Variants in QTMAN observed in about 807,000 individuals in gnomAD.
QTMAN encodes queuosine-tRNA mannosyltransferase.
chr2:144,213,799 G>A, the QTMAN span, among the ~76,000 whole-genome samples: 5 of 152,194 alleles, frequency 3.3e-5, no homozygotes, highest in South Asian at 1.0e-3. Flanking sequence ...AACACTAAAT[G>A]GTTTACTTTG....
the QTMAN span, among the ~76,000 whole-genome samples, chr2:144,000,362 A>C: frequency 4.6e-5 from 7 of 152,044 alleles, no homozygotes; most frequent in Admixed American, 2.0e-4. Context: ...AAATTCTTTA[A>C]AGACAAAAAC....
chr2:144,030,858 C>A, the QTMAN span, among the ~76,000 whole-genome samples: 17 of 152,068 alleles, frequency 1.1e-4, no homozygotes, highest in Non-Finnish European at 1.8e-4. Context: ...AGGCACAATG[C>A]TGTTAATAAT....
the QTMAN span, among the ~76,000 whole-genome samples, chr2:144,243,336 TA>T: frequency 2.0e-5 from 3 of 152,186 alleles, no homozygotes; most frequent in African/African-American, 4.8e-5. Flanking sequence ...GACAACTCCA[TA>T]ATGCCCATTT....
At chr2:144,025,151 T>C in the QTMAN span, among the ~76,000 whole-genome samples, 2 of 152,078 alleles carry the variant, frequency 1.3e-5, no homozygotes, top group African/African-American at 2.4e-5. Flanking sequence ...TGTAAAATAC[T>C]CTTACCCCAT....
chr2:144,214,415 T>C, the QTMAN span, among the ~76,000 whole-genome samples: 1 of 152,190 alleles, frequency 6.6e-6, no homozygotes, highest in Non-Finnish European at 1.5e-5. Context: ...ATATTCTACA[T>C]AAATTTAAAC....
At chr2:144,187,249 A>G in the QTMAN span, among the ~76,000 whole-genome samples, 2 of 152,368 alleles carry the variant, frequency 1.3e-5, no homozygotes, top group South Asian at 4.1e-4. Flanking sequence ...GCTAGAAAAT[A>G]TAAGGGCATG....
At chr2:143,976,210 A>G in the QTMAN span, among the ~76,000 whole-genome samples, 1 of 151,964 alleles carries the variant, frequency 6.6e-6, no homozygotes. Context: ...ACATATAATC[A>G]GAGGAAAAAC....
At chr2:143,992,471 C>T in the QTMAN span, among the ~76,000 whole-genome samples, 2 of 150,160 alleles carry the variant, frequency 1.3e-5, no homozygotes, top group Non-Finnish European at 3.0e-5. Flanking sequence ...ACCTTCCCTC[C>T]ACTATTGTCC....
chr2:144,208,340 C>T, the QTMAN span, among the ~76,000 whole-genome samples: 1 of 152,142 alleles, frequency 6.6e-6, no homozygotes, highest in Admixed American at 6.6e-5. Context: ...TACCCATACC[C>T]ATACCCCTAT....
chr2:144,133,131 A>ATATATATGTAT, the QTMAN span, among the ~76,000 whole-genome samples: 1 of 48,616 alleles, frequency 2.1e-5, no homozygotes, highest in African/African-American at 7.7e-5. Flanking sequence ...ATATATATAT[A>ATATATATGTAT]TATATATATA....
the QTMAN span, chr2:143,970,711 T>C: frequency 6.2e-7 from 1 of 1,610,500 alleles, no homozygotes; most frequent in Non-Finnish European, 8.5e-7. Flanking sequence ...GTCCTAAGTC[T>C]TTAAGATGCA....
the QTMAN span, among the ~76,000 whole-genome samples, chr2:144,307,155 G>A: frequency 2.2e-3 from 148 of 68,602 alleles, no homozygotes; most frequent in Non-Finnish European, 7.1e-4. Context: ...GCGAGACTCC[G>A]TCTTAAAAAA....
chr2:143,951,751 C>T, the QTMAN span, among the ~76,000 whole-genome samples: 1 of 151,400 alleles, frequency 6.6e-6, no homozygotes, highest in African/African-American at 2.4e-5. Flanking sequence ...TCTTAGAAAA[C>T]AGTAAATTTT....
chr2:144,081,665 G>C, the QTMAN span, among the ~76,000 whole-genome samples: 1 of 152,126 alleles, frequency 6.6e-6, no homozygotes, highest in Non-Finnish European at 1.5e-5. Flanking sequence ...GGAAAGAGGA[G>C]GGAAAGGGAA....
At chr2:143,974,241 T>C in the QTMAN span, among the ~76,000 whole-genome samples, 2 of 152,194 alleles carry the variant, frequency 1.3e-5, no homozygotes, top group Non-Finnish European at 2.9e-5. Context: ...CCACTGCTGG[T>C]AGGAATATAA....
the QTMAN span, among the ~76,000 whole-genome samples, chr2:144,305,748 A>AT: frequency 5.3e-5 from 8 of 152,074 alleles, no homozygotes; most frequent in Non-Finnish European, 7.4e-5. Context: ...TAATTCTTTA[A>AT]TTTCTTTCAA....
the QTMAN span, chr2:143,941,073 AGGT>A: frequency 2.0e-5 from 3 of 152,198 alleles, no homozygotes; most frequent in African/African-American, 7.2e-5. Flanking sequence ...CTTCTTGAAG[AGGT>A]GGTCTTGACT....
chr2:144,257,151 T>C, the QTMAN span, among the ~76,000 whole-genome samples: 3 of 146,360 alleles, frequency 2.0e-5, no homozygotes, highest in Non-Finnish European at 4.5e-5. Flanking sequence ...GACACAGCCA[T>C]AACCACAAAC....
At chr2:143,961,296 TC>T in the QTMAN span, among the ~76,000 whole-genome samples, 2 of 151,998 alleles carry the variant, frequency 1.3e-5, no homozygotes, top group Non-Finnish European at 2.9e-5. Flanking sequence ...AAGCAGGCCT[TC>T]CCCCATAGTC....
Sources: allele counts gnomAD v4.1 joint callset (sites outside exome capture counted in the v4.1 genomes callset), GRCh38; gene constraint gnomAD v4.1.1; transcripts MANE v1.5; gene names NCBI Gene and HGNC (gene_info 2026-07-23, HGNC 2026-07-21).